Variants in ERAP1 observed in about 807,000 individuals in gnomAD.
ERAP1 encodes adipocyte-derived leucine aminopeptidase.
ERAP1 carries 86 observed loss-of-function variants against 103.7 expected under a neutral mutation model. The ratio of observed to expected loss-of-function variants is 0.83; its 90% CI spans 0.70 to 0.99. The LOEUF is 0.99. Ranked by LOEUF, ERAP1 falls within the 50% of genes least tolerant of loss-of-function variation. The probability of loss-of-function intolerance (pLI) is 0.00; values close to 1 mark genes in which losing one functional copy is unlikely to be tolerated. For synonymous variants in ERAP1, 398 were observed against 402.4 expected (o/e 0.99, Z 0.13); for missense variants, 1,009 against 1,128.4 (o/e 0.89, Z 1.52).
At chr5:96,887,073 GTATATA>G in the ERAP1 span, among the ~76,000 whole-genome samples, 198 of 87,182 alleles carry the variant, frequency 2.3e-3, no homozygotes, top group Non-Finnish European at 3.5e-3. Flanking sequence ...AATTTTCAAA[GTATATA>G]TATATATATA....
At chr5:96,858,915 C>T in the ERAP1 span, among the ~76,000 whole-genome samples, 1 of 152,198 alleles carries the variant, frequency 6.6e-6, no homozygotes, top group African/African-American at 2.4e-5. Flanking sequence ...TCTTGATTCA[C>T]AGGCAAACAC....
the ERAP1 span, among the ~76,000 whole-genome samples, chr5:96,866,583 T>C: frequency 1.3e-5 from 2 of 152,204 alleles, no homozygotes; most frequent in African/African-American, 4.8e-5. Flanking sequence ...GCAGTTGCTT[T>C]AGTAATAGCC....
At chr5:96,919,861 G>C in the ERAP1 span, 1 of 152,164 alleles carries the variant, frequency 6.6e-6, no homozygotes, top group Non-Finnish European at 1.5e-5. Flanking sequence ...ATATGATGAG[G>C]TGAACAGGTT....
intron 15 of ERAP1, 82 bp from the exon 16 acceptor site, chr5:96,781,936 C>T: frequency 7.9e-7 from 1 of 1,260,250 alleles, no homozygotes; most frequent in Non-Finnish European, 1.1e-6. Flanking sequence ...CTATGAACTG[C>T]TGAACTTTCC....
the ERAP1 span, chr5:96,876,185 T>C: frequency 6.6e-6 from 1 of 152,408 alleles, no homozygotes; most frequent in Non-Finnish European, 1.5e-5. Context: ...GATCAATTCC[T>C]AAGACAACAA....
At chr5:96,823,013 G>A in the ERAP1 span, 1 of 455,878 alleles carries the variant, frequency 2.2e-6, no homozygotes, top group Non-Finnish European at 4.4e-6. Flanking sequence ...CAAGGTTGTA[G>A]GACAGAGCAC....
the ERAP1 span, chr5:96,903,596 AC>A: frequency 6.5e-7 from 1 of 1,540,056 alleles, no homozygotes. Flanking sequence ...ATGCAAAATA[AC>A]TGATTCGTAA....
the ERAP1 span, among the ~76,000 whole-genome samples, chr5:96,889,786 C>T: frequency 2.0e-5 from 3 of 151,896 alleles, no homozygotes; most frequent in Non-Finnish European, 2.9e-5. Context: ...CTCTTCTATG[C>T]CCAGCAGCAT....
the ERAP1 span, among the ~76,000 whole-genome samples, chr5:96,857,523 A>C: frequency 6.6e-6 from 1 of 152,198 alleles, no homozygotes; most frequent in Non-Finnish European, 1.5e-5. Flanking sequence ...AAAATAAAAA[A>C]CTACAAATGC....
the ERAP1 span, chr5:96,901,575 C>G: frequency 1.2e-6 from 2 of 1,613,960 alleles, no homozygotes; most frequent in African/African-American, 2.7e-5. Context: ...GAAAGGAATC[C>G]CCCTGCTGGT....
exon 20 of ERAP1, chr5:96,763,149 A>T: frequency 1.3e-6 from 1 of 780,426 alleles, no homozygotes; most frequent in South Asian, 1.3e-5. Flanking sequence ...ATTCCGTTTG[A>T]TGTAGCATCA....
the ERAP1 span, among the ~76,000 whole-genome samples, chr5:96,848,492 A>T: frequency 6.6e-6 from 1 of 152,254 alleles, no homozygotes; most frequent in Non-Finnish European, 1.5e-5. Flanking sequence ...GAATCATAAG[A>T]GACTAATATG....
chr5:96,767,590 G>A, intron 19 of ERAP1: 2 of 780,640 alleles, frequency 2.6e-6, no homozygotes, highest in East Asian at 5.2e-5. Flanking sequence ...TCTGTGCCTG[G>A]TACTTTGTCA....
chr5:96,930,285 T>C, the ERAP1 span, among the ~76,000 whole-genome samples: 4 of 152,228 alleles, frequency 2.6e-5, no homozygotes, highest in Admixed American at 6.5e-5. Context: ...AGAGTTTTCA[T>C]GTCCTCTGCT....
At chr5:96,935,737 T>A in the ERAP1 span, 6,025 of 190,802 alleles carry the variant, frequency 0.032, 187 homozygotes, top group South Asian at 0.088. Context: ...GGGACCATGA[T>A]TTTCTGGCGC....
At chr5:96,934,499 GGTGA>G in the ERAP1 span, 2 of 152,150 alleles carry the variant, frequency 1.3e-5, no homozygotes, top group Non-Finnish European at 2.9e-5. Context: ...ACCAAAATAT[GGTGA>G]GTATGTGCTG....
At chr5:96,898,209 A>G in the ERAP1 span, among the ~76,000 whole-genome samples, 1 of 151,988 alleles carries the variant, frequency 6.6e-6, no homozygotes, top group Non-Finnish European at 1.5e-5. Flanking sequence ...AATAATAATA[A>G]TAACAATAAT....
At chr5:96,783,871 T>G in intron 14 of ERAP1, 53 bp downstream of exon 14, 1 of 1,276,728 alleles carries the variant, frequency 7.8e-7, no homozygotes, top group Non-Finnish European at 1.1e-6. Context: ...ACACAATGAT[T>G]AACACTTTTT....
chr5:96,901,666 G>GGGCCCTGCA, the ERAP1 span: 1 of 1,613,862 alleles, frequency 6.2e-7, no homozygotes, highest in Non-Finnish European at 8.5e-7. Context: ...CCTGAATGGA[G>GGGCCCTGCA]GGCCCTGCAG....
Sources: allele counts gnomAD v4.1 joint callset (sites outside exome capture counted in the v4.1 genomes callset), GRCh38; gene constraint gnomAD v4.1.1; transcripts MANE v1.5; gene names NCBI Gene and HGNC (gene_info 2026-07-23, HGNC 2026-07-21).